The following PTPRD variants were observed in gnomAD, a reference collection of about 807,000 sequenced individuals.
PTPRD encodes receptor-type tyrosine-protein phosphatase delta.
In PTPRD, 34 loss-of-function variants were observed where a neutral mutation model predicts 214.5. The ratio of observed to expected loss-of-function variants is 0.16; its 90% CI spans 0.12 to 0.21. The LOEUF (loss-of-function observed/expected upper bound fraction) is 0.21. Ranked by LOEUF, PTPRD falls within the 10% of genes least tolerant of loss-of-function variation. The probability of loss-of-function intolerance (pLI) is 1.00; values close to 1 mark genes in which losing one functional copy is unlikely to be tolerated. For synonymous variants in PTPRD, 1,128 were observed against 845.7 expected, an observed-to-expected ratio of 1.33 and a Z score of -5.79; for missense variants, 2,545 against 2,398.7, an observed-to-expected ratio of 1.06 and a Z score of -1.27.
At chr9:9,345,933 G>A (rs1441894108) in intron 9 of PTPRD, among the ~76,000 whole-genome samples, 3 of 152,056 alleles carry the variant, frequency 2.0e-5, no homozygotes, top group Non-Finnish European at 4.4e-5. Flanking sequence ...ATATTTCAAT[G>A]TACTTCTTTA....
chr9:9,394,663 T>A (rs1273773024), intron 9 of PTPRD, among the ~76,000 whole-genome samples: 1 of 152,138 alleles, frequency 6.6e-6, no homozygotes, highest in African/African-American at 2.4e-5. Context: ...CTTGTTATTA[T>A]CATTATCTTG....
intron 5 of PTPRD, among the ~76,000 whole-genome samples, chr9:9,801,767 T>C (rs1442408888): frequency 6.6e-6 from 1 of 152,078 alleles, no homozygotes. Context: ...GGATACTAAT[T>C]AACTGCCTCT....
chr9:8,376,540 T>C (rs896173367), intron 38 of PTPRD, 67 bp downstream of exon 38: 4 of 1,602,052 alleles, frequency 2.5e-6, no homozygotes, highest in African/African-American at 1.3e-5. Flanking sequence ...GAGATTTCAT[T>C]TCTCAAAAGA....
At chr9:8,414,930 G>GGAGAGAGAGAGAGAGA (rs58529453) in intron 35 of PTPRD, among the ~76,000 whole-genome samples, 38 of 49,258 alleles carry the variant, frequency 7.7e-4, no homozygotes, top group Non-Finnish European at 1.2e-3. Flanking sequence ...AGAGGGAGGG[G>GGAGAGAGAGAGAGAGA]GAGAGAGAGA....
intron 6 of PTPRD, among the ~76,000 whole-genome samples, chr9:9,763,206 C>CA (rs1464491749): frequency 6.6e-6 from 1 of 152,136 alleles, no homozygotes; most frequent in Non-Finnish European, 1.5e-5. Flanking sequence ...TAAAACACAT[C>CA]AAAGTTTCAA....
At chr9:9,055,371 T>C (rs1443197589) in intron 10 of PTPRD, among the ~76,000 whole-genome samples, 2 of 152,206 alleles carry the variant, frequency 1.3e-5, no homozygotes, top group Non-Finnish European at 2.9e-5. Flanking sequence ...CATTTCACAA[T>C]GCACATATAC....
At chr9:8,682,895 G>A (rs1302181918) in intron 12 of PTPRD, among the ~76,000 whole-genome samples, 2 of 151,970 alleles carry the variant, frequency 1.3e-5, no homozygotes, top group Admixed American at 1.3e-4. Flanking sequence ...TTTTGTAAGC[G>A]AGTTTCTGCT....
At chr9:9,509,986 G>C (rs1369691992) in intron 8 of PTPRD, among the ~76,000 whole-genome samples, 1 of 151,520 alleles carries the variant, frequency 6.6e-6, no homozygotes, top group Non-Finnish European at 1.5e-5. Flanking sequence ...CACAAAGCAA[G>C]AAGAGTGAGA....
chr9:9,443,497 A>G (rs1276667329), intron 8 of PTPRD, among the ~76,000 whole-genome samples: 1 of 152,218 alleles, frequency 6.6e-6, no homozygotes, highest in Non-Finnish European at 1.5e-5. Context: ...ATGTAACAGA[A>G]GTTTGACTTT....
At chr9:9,305,619 G>C (rs1010217609) in intron 9 of PTPRD, among the ~76,000 whole-genome samples, 2 of 152,060 alleles carry the variant, frequency 1.3e-5, no homozygotes, top group African/African-American at 4.8e-5. Context: ...TCAGAACACA[G>C]TGTCATTTGG....
At chr9:9,604,090 CT>C (rs1165584151) in intron 7 of PTPRD, among the ~76,000 whole-genome samples, 1 of 151,424 alleles carries the variant, frequency 6.6e-6, no homozygotes, top group Non-Finnish European at 1.5e-5. Context: ...ACTAAAATTT[CT>C]TTTTTTTCTG....
chr9:10,398,184 G>C (rs1440850121), intron 2 of PTPRD, among the ~76,000 whole-genome samples: 2 of 151,440 alleles, frequency 1.3e-5, no homozygotes, highest in East Asian at 4.0e-4. Context: ...TCTGAGACCA[G>C]CCTGGACAAC....
At position 8,390,896 on chromosome 9, in the gene PTPRD, A is replaced by C. The variant is rs540144977; in HGVS notation, c.4211-1489T>G. Among the ~76,000 whole-genome samples, 9 of 152,324 alleles carry C rather than the reference A, an allele frequency of 5.9e-5. No homozygotes were observed. In the East Asian group the frequency reaches 9.6e-4, roughly 16 times the overall value. ...TTTAGATTTACTCTGTTGAGTTCCA[A>C]GTTTTAAATTCTGAAAGATTTAACT... On this transcript the variant is annotated intron_variant, in intron 36 of 45. Transcript: ENST00000381196.
intron 4 of PTPRD, among the ~76,000 whole-genome samples, chr9:10,016,862 G>C (rs928607020): frequency 3.9e-5 from 6 of 151,920 alleles, no homozygotes; most frequent in African/African-American, 1.4e-4. Context: ...ACAGGGTCTC[G>C]CTATGTTTCC....
At chr9:9,257,781 C>T (rs2099978359) in intron 9 of PTPRD, among the ~76,000 whole-genome samples, 1 of 151,770 alleles carries the variant, frequency 6.6e-6, no homozygotes, top group Non-Finnish European at 1.5e-5. Flanking sequence ...GAGACCCTGT[C>T]TCAATTAAAA....
intron 2 of PTPRD, among the ~76,000 whole-genome samples, chr9:10,558,627 T>C (rs890826943): frequency 2.0e-5 from 3 of 152,158 alleles, no homozygotes; most frequent in Non-Finnish European, 4.4e-5. Flanking sequence ...TTTATGTCAC[T>C]TTTTGTCTAC....
intron 11 of PTPRD, among the ~76,000 whole-genome samples, chr9:8,934,443 ATAT>A (rs1567097815): frequency 0.014 from 579 of 40,666 alleles, 31 homozygotes; most frequent in South Asian, 0.022. Flanking sequence ...ATAAATATAT[ATAT>A]AAATTTATAT....
intron 9 of PTPRD, among the ~76,000 whole-genome samples, chr9:9,378,745 A>C (rs963094933): frequency 6.6e-6 from 1 of 152,006 alleles, no homozygotes; most frequent in African/African-American, 2.4e-5. Flanking sequence ...GTTTGAATTC[A>C]CATTTCTCTA....
intron 2 of PTPRD, among the ~76,000 whole-genome samples, chr9:10,498,528 T>C (rs185567347): frequency 8.6e-5 from 13 of 152,040 alleles, no homozygotes; most frequent in African/African-American, 3.1e-4. Flanking sequence ...TTATTTCAAA[T>C]ATCTCCTCAA....
Sources: allele counts gnomAD v4.1 joint callset (sites outside exome capture counted in the v4.1 genomes callset), GRCh38; gene constraint gnomAD v4.1.1; transcripts MANE v1.5; gene names NCBI Gene and HGNC (gene_info 2026-07-23, HGNC 2026-07-21).